Variants in MYBPC3 observed in about 807,000 individuals in gnomAD.
The protein encoded by MYBPC3 is myosin binding protein C3.
In MYBPC3, 108 loss-of-function variants were observed where a neutral mutation model predicts 159.3. The observed-to-expected ratio is 0.68, with a 90% CI of 0.58 to 0.80. The LOEUF (loss-of-function observed/expected upper bound fraction) is 0.80. MYBPC3 is among the 30% of genes least tolerant of loss of function. The pLI is 0.00. For synonymous variants in MYBPC3, 730 were observed against 702.0 expected (o/e 1.04, Z -0.63); for missense variants, 1,631 against 1,762.1 (o/e 0.93, Z 1.33).
Position 47,341,213 on chromosome 11 carries a change from G to C in MYBPC3, c.1822C>G (p.Pro608Ala), listed in dbSNP as rs730880552. The C allele has an allele frequency of 6.3e-7, 1 of 1,596,576 alleles. No homozygotes were observed. Among genetic ancestry groups the C allele is most frequent in the East Asian group, 2.3e-5 (1 of 43,918 alleles). ...AAGCTGTAGTCAGCCTCGTCGGCAG[G>C]TGTGACGTCGTCAATGGTCAGTTTG... ...VHKLTIDDVT[P>A]ADEADYSFVP... Residue 608 changes from proline to alanine, a missense_variant, in exon 19 of 35, where the codon CCT becomes GCT. By Grantham distance (27) the Pro-to-Ala change is conservative. Transcript: ENST00000545968.
chr11:47,337,564 C>T lies in MYBPC3; in HGVS notation c.2429G>A (p.Arg810His), dbSNP rs375675796. 116 of 1,613,846 alleles carry T rather than the reference C, an allele frequency of 7.2e-5. No individual in the cohort carries two copies. The highest frequency in any genetic ancestry group is 9.4e-5 in the Non-Finnish European group (111 of 1,179,894). ...GQPILGYILERKKKKSYRWMR... is the reference protein window; with the variant it reads ...GQPILGYILEHKKKKSYRWMR... The stretch of plus-strand genomic sequence containing the variant: ...CCACCGGTAGCTCTTCTTCTTCTTG[C>T]GCTCCAGGATGTAGCCTGGCTCAGG... Residue 810 changes from arginine (R) to histidine (H), a missense_variant, in exon 25 of 35, where the codon CGC (arginine) becomes CAC (histidine). Transcript: ENST00000545968.
Position 47,333,668 on chromosome 11 carries a change from C to T in MYBPC3, c.3079G>A (p.Asp1027Asn), listed in dbSNP as rs759102022. 6.2e-7 allele frequency: 1 copy of T among 1,611,216 alleles called. No individual in the cohort carries two copies. Among genetic ancestry groups the T allele is most frequent in the Non-Finnish European group, 8.5e-7 (1 of 1,179,792 alleles). The change falls in exon 29 of 35, where the codon GAC (aspartate) becomes AAC (asparagine). Residue 1027 changes from aspartate to asparagine, a missense_variant. Asp to Asn is a conservative substitution (Grantham distance 23, BLOSUM62 1). Coordinates refer to ENST00000545968, the MANE Select transcript of MYBPC3 (RefSeq NM_000256.3). ...EEVSIRNSPT[D>N]TILFIRAARR... The stretch of plus-strand genomic sequence containing the variant: ...GCGGCCCGGATGAACAGGATGGTGT[C>T]TGTGGGGCTGTTGCGGATGCTCACC...
intron 6 of MYBPC3, among the ~76,000 whole-genome samples, chr11:47,348,182 C>G (rs928079583): frequency 6.6e-6 from 1 of 152,152 alleles, no homozygotes; most frequent in East Asian, 1.9e-4. Flanking sequence ...GGCCAGGAGC[C>G]GTGACACCAA....
intron 29 of MYBPC3, 79 bp downstream of exon 29, chr11:47,333,478 C>G (rs377629000): frequency 3.3e-5 from 51 of 1,567,614 alleles, no homozygotes; most frequent in African/African-American, 2.4e-4. Flanking sequence ...GGGTTGGGTC[C>G]CCTGGCCCCA....
rs1021783912 is a variant in MYBPC3, at chr11:47,347,758, G to A, written c.822-78C>T. 8 of 1,546,148 alleles carry A rather than the reference G, an allele frequency of 5.2e-6. No homozygotes were observed. The Admixed American group carries it at 7.9e-5, about 15-fold the overall frequency. On this transcript the variant is annotated intron_variant, in intron 7 of 34. Coordinates refer to ENST00000545968, the MANE Select transcript of MYBPC3 (RefSeq NM_000256.3). ...TGCAGCCCCCACTGACTTCAGCTCC[G>A]CCCCGCAAATCATCCCCAGCCCTGA...
chr11:47,337,488 G>A lies in MYBPC3; in HGVS notation c.2505C>T (p.Arg835=), dbSNP rs561942028. The change falls in exon 25 of 35, where the codon CGC becomes CGT. Residue 835 remains arginine (R), a synonymous_variant. Transcript: ENST00000545968. ...LIQELSHEAR[R]MIEGVVYEMR... ...TCTCGTACACCACGCCCTCGATCAT[G>A]CGCCGCGCTTCATGACTCAGCTCCT... is the stretch of plus-strand genomic sequence containing the variant. 2.2e-5 allele frequency: 36 copies of A among 1,613,972 alleles called. No homozygotes were observed. The East Asian group carries it at 7.1e-4, about 32-fold the overall frequency.
chr11:47,337,743 G>T lies in MYBPC3; in HGVS notation c.2360C>A (p.Ser787Tyr). The change falls in exon 24 of 35, where the codon TCC (serine) becomes TAC (tyrosine). Residue 787 changes from serine to tyrosine, a missense_variant. By Grantham distance (144) the Ser-to-Tyr change is moderately radical. Transcript: ENST00000545968. ...APKISNVGED[S>Y]CTVQWEPPAY... ...AGGCGGCTCCCACTGTACTGTGCAG[G>T]AGTCCTCTCCCACGTTGCTGATCTT... is the stretch of plus-strand genomic sequence containing the variant. 1 of 1,559,588 alleles carries T rather than the reference G, an allele frequency of 6.4e-7. No individual in the cohort carries two copies.
At chr11:47,343,358 A>T in intron 13 of MYBPC3, 96 bp from the exon 14 acceptor site, 1 of 1,484,538 alleles carries the variant, frequency 6.7e-7, no homozygotes, top group Non-Finnish European at 8.9e-7. Flanking sequence ...GAGCAAAAGG[A>T]TGGGAAATTA....
chr11:47,352,364 T>C (rs886932051), intron 1 of MYBPC3, among the ~76,000 whole-genome samples: 2 of 152,006 alleles, frequency 1.3e-5, no homozygotes, highest in African/African-American at 4.8e-5. Context: ...TCAGAATGGG[T>C]TGACCCCGGG....
At chr11:47,333,473 G>T in intron 29 of MYBPC3, 84 bp downstream of exon 29, 1 of 1,557,812 alleles carries the variant, frequency 6.4e-7, no homozygotes, top group Non-Finnish European at 8.7e-7. Context: ...GCTGTGGGTT[G>T]GGTCCCCTGG....
chr11:47,349,552 C>T (rs1255881505), intron 5 of MYBPC3, among the ~76,000 whole-genome samples: 2 of 151,972 alleles, frequency 1.3e-5, no homozygotes, highest in Non-Finnish European at 2.9e-5. Context: ...CTCCCAGGTC[C>T]CCGACAGTGC....
intron 12 of MYBPC3, 144 bp from the exon 13 acceptor site, chr11:47,343,768 T>C (rs1284385630): frequency 1.2e-6 from 1 of 836,344 alleles, no homozygotes; most frequent in Non-Finnish European, 1.8e-6. Flanking sequence ...GTGTCTCTAT[T>C]TCTTTTTGTT....
intron 20 of MYBPC3, among the ~76,000 whole-genome samples, chr11:47,340,491 C>T (rs556823580): frequency 4.7e-4 from 71 of 152,142 alleles, no homozygotes; most frequent in African/African-American, 1.6e-3. Context: ...GGTGAAACCC[C>T]GTCTCTACTA....
chr11:47,347,244 G>T, intron 9 of MYBPC3, 182 bp downstream of exon 9: 1 of 985,316 alleles, frequency 1.0e-6, no homozygotes. Context: ...ACTGTTGACG[G>T]GACATAATGT....
In MYBPC3 at chr11:47,342,639, G is replaced by A. The variant is rs367915627; in HGVS notation, c.1563C>T (p.Asp521=). 27 of 1,613,964 alleles carry A rather than the reference G, an allele frequency of 1.7e-5. No individual in the cohort carries two copies. Among genetic ancestry groups the A allele is most frequent in the East Asian group, 1.6e-4 (7 of 44,888 alleles). ...TAGTGCACAGTGCATAGTGCCCCGCGTCCTCCAGCATGGCCTCGTTGATGA... is the reference window on the plus strand; with the variant it reads ...TAGTGCACAGTGCATAGTGCCCCGCATCCTCCAGCATGGCCTCGTTGATGA... ...HLIINEAMLE[D]AGHYALCTSG... is the part of the protein sequence containing the mutation. Residue 521 remains aspartate, a synonymous_variant, in exon 17 of 35, where the codon GAC becomes GAT. Coordinates refer to ENST00000545968, the MANE Select transcript of MYBPC3 (RefSeq NM_000256.3).
chr11:47,331,598 C>A lies in MYBPC3; in HGVS notation c.*145G>T, dbSNP rs962786563. 4.0e-6 allele frequency: 2 copies of A among 505,072 alleles called. No homozygotes were observed. Among genetic ancestry groups the A allele is most frequent in the Non-Finnish European group, 7.1e-6 (2 of 280,280 alleles). The allele number at this position is 505,072 out of a possible 1,614,324, so 31.3% of individuals were successfully genotyped here. On this transcript the variant is annotated 3_prime_UTR_variant, in exon 35 of 35. Transcript: ENST00000545968. ...CCACTCAGGACTGCCCGACAACTGC[C>A]CTGCTGATCCCCCATCGCAGCACAG...
At chr11:47,340,409 A>C (rs1034016641) in intron 20 of MYBPC3, among the ~76,000 whole-genome samples, 1 of 152,266 alleles carries the variant, frequency 6.6e-6, no homozygotes, top group Admixed American at 6.5e-5. Context: ...TCACGCCTGT[A>C]ATCCCAGCAC....
At chr11:47,348,364 G>T in intron 6 of MYBPC3, 60 bp downstream of exon 6, 1 of 1,256,760 alleles carries the variant, frequency 8.0e-7, no homozygotes, top group Non-Finnish European at 1.1e-6. Context: ...GGGAAAAGGA[G>T]GTAGGAGACC....
rs1164619452 is a variant in MYBPC3 at position 47,333,314 on chromosome 11, C to G, written c.3210G>C (p.Gln1070His). The change falls in exon 30 of 35, where the codon CAG (glutamine) becomes CAC (histidine). Residue 1070 changes from glutamine to histidine, a missense_variant. Coordinates refer to ENST00000545968, the MANE Select transcript of MYBPC3 (RefSeq NM_000256.3). The part of the protein sequence containing the change: ...LQVVDKPSPP[Q>H]DLRVTDAWGL... ...CCCAGGCGTCAGTCACCCGGAGATC[C>G]TGGGGAGGACTTGGCTTGTCTGCGG... The G allele has an allele frequency of 9.5e-6, 15 of 1,583,490 alleles. No homozygotes were observed. Among genetic ancestry groups the G allele is most frequent in the Non-Finnish European group, 1.3e-5 (15 of 1,163,448 alleles).
Sources: allele counts gnomAD v4.1 joint callset (sites outside exome capture counted in the v4.1 genomes callset), GRCh38; gene constraint gnomAD v4.1.1; transcripts MANE v1.5; gene names NCBI Gene and HGNC (gene_info 2026-07-23, HGNC 2026-07-21).